CCDC171: variants seen among roughly 807,000 people sequenced by gnomAD.
CCDC171 encodes the protein coiled-coil domain containing 171.
Under a neutral mutation model 168.2 loss-of-function variants are expected in CCDC171, and 177 were observed. The observed-to-expected ratio is 1.05, with a 90% CI of 0.93 to 1.19. The LOEUF (loss-of-function observed/expected upper bound fraction) is 1.19, where lower values mean the gene tolerates loss of function less well. Ranked by LOEUF, CCDC171 falls within the 50% of genes most tolerant of loss-of-function variation. The pLI, the probability that CCDC171 is intolerant of heterozygous loss-of-function variation, is 0.00. For missense variants in CCDC171, 1,991 were observed against 1,539.0 expected (o/e 1.29, Z -4.91); for synonymous variants, 687 against 540.8 (o/e 1.27, Z -3.75).
rs141959306 is a variant in CCDC171, at chr9:16,052,001, G to A, written n.90-8645G>A. 2.6e-3 allele frequency among the ~76,000 whole-genome samples: 398 copies of A among 152,256 alleles called. 2 individuals are homozygous for A. Among genetic ancestry groups the A allele is most frequent in the South Asian group, 4.6e-3 (22 of 4,820 alleles). On this transcript the variant is annotated intron_variant and non_coding_transcript_variant, in intron 1 of 1. Coordinates refer to the CCDC171 transcript ENST00000478913. ...GATCTCGTGAGACTTGTTCACTATCGTGAGAACAGCAGGAGAAAAACCTGC... is the reference window on the plus strand; with the variant it reads ...GATCTCGTGAGACTTGTTCACTATCATGAGAACAGCAGGAGAAAAACCTGC...
intron 23 of CCDC171, among the ~76,000 whole-genome samples, chr9:15,869,586 C>T (rs1293752815): frequency 6.6e-6 from 1 of 150,756 alleles, no homozygotes; most frequent in African/African-American, 2.4e-5. Context: ...TGGCTAGTTC[C>T]CTTCTCTTTG....
At chr9:15,955,016 G>A (rs547779066) in intron 25 of CCDC171, among the ~76,000 whole-genome samples, 2 of 151,980 alleles carry the variant, frequency 1.3e-5, no homozygotes, top group African/African-American at 2.4e-5. Context: ...TTTTTTTGCT[G>A]TTGTTGAAAA....
intron 7 of CCDC171, among the ~76,000 whole-genome samples, chr9:15,639,102 C>T (rs936905624): frequency 1.3e-5 from 2 of 152,024 alleles, no homozygotes; most frequent in African/African-American, 4.8e-5. Context: ...TAAATGCGTA[C>T]TATCTTCAAC....
downstream of CCDC171, among the ~76,000 whole-genome samples, chr9:15,977,235 T>C (rs1831650140): frequency 6.6e-6 from 1 of 152,202 alleles, no homozygotes; most frequent in Admixed American, 6.5e-5. Flanking sequence ...AACCTCCCCC[T>C]GCATAATCTT....
At chr9:15,738,496 A>G (rs930346771) in intron 16 of CCDC171, among the ~76,000 whole-genome samples, 7 of 152,198 alleles carry the variant, frequency 4.6e-5, no homozygotes, top group Non-Finnish European at 1.0e-4. Flanking sequence ...ATTTTTCGAA[A>G]TTAAACACAC....
chr9:15,786,787 C>A (rs146122048), intron 21 of CCDC171, among the ~76,000 whole-genome samples: 284 of 152,260 alleles, frequency 1.9e-3, no homozygotes, highest in African/African-American at 5.3e-3. Context: ...CCTAACTGAT[C>A]AATCAACCTT....
At position 15,863,859 on chromosome 9, in the gene CCDC171, C is replaced by G. The variant is rs117732765; in HGVS notation, c.3469-10673C>G. Reference sequence around the variant, plus strand: ...ATCTGACAACTCTGGAAATAAGATTCTCCCCATCTCCAGGGTTGTTGCTGC... The same window carrying G: ...ATCTGACAACTCTGGAAATAAGATTGTCCCCATCTCCAGGGTTGTTGCTGC... On this transcript the variant is annotated intron_variant, in intron 23 of 25. Transcript: ENST00000380701. 3.0e-3 allele frequency among the ~76,000 whole-genome samples: 451 copies of G among 149,502 alleles called. 3 individuals are homozygous for G. The highest frequency in any genetic ancestry group is 4.8e-3 in the Non-Finnish European group (326 of 67,252).
intron 21 of CCDC171, among the ~76,000 whole-genome samples, chr9:15,791,246 A>G (rs1252350037): frequency 2.6e-5 from 4 of 152,048 alleles, no homozygotes; most frequent in South Asian, 2.1e-4. Flanking sequence ...ATGTTCTTCC[A>G]TTTGTTTGTG....
intron 18 of CCDC171, among the ~76,000 whole-genome samples, chr9:15,746,319 G>T (rs1191654526): frequency 6.6e-6 from 1 of 152,128 alleles, no homozygotes; most frequent in Non-Finnish European, 1.5e-5. Context: ...GATAATTTGG[G>T]ATTTAATTCT....
At chr9:15,654,990 C>G (rs1225682197) in intron 7 of CCDC171, among the ~76,000 whole-genome samples, 1 of 152,098 alleles carries the variant, frequency 6.6e-6, no homozygotes, top group Non-Finnish European at 1.5e-5. Flanking sequence ...AATGAGAACA[C>G]ATGGACACAG....
At chr9:15,657,848 A>G (rs998919409) in intron 8 of CCDC171, among the ~76,000 whole-genome samples, 3 of 152,146 alleles carry the variant, frequency 2.0e-5, no homozygotes, top group Non-Finnish European at 4.4e-5. Context: ...CCTTTTTGCT[A>G]TGCTTTAGAG....
In CCDC171 at chr9:15,898,743, A is replaced by T. The variant is rs77315273; in HGVS notation, c.3601-21527A>T. Among the ~76,000 whole-genome samples the T allele has an allele frequency of 4.5e-3, 688 of 152,322 alleles. 3 individuals carry two copies. The highest frequency in any genetic ancestry group is 0.016 in the African/African-American group (662 of 41,570). On this transcript the variant is annotated intron_variant, in intron 24 of 25. Transcript: ENST00000380701. ...TAGATTCACAGAAAAGTACAAAAAT[A>T]GCACAGGGAGGTCCCTGTGTACGCT...
At chr9:15,640,875 A>T (rs1481718871) in intron 7 of CCDC171, among the ~76,000 whole-genome samples, 2 of 152,086 alleles carry the variant, frequency 1.3e-5, no homozygotes, top group African/African-American at 2.4e-5. Context: ...ATCCTTTGAG[A>T]CCTTCTGTTT....
At chr9:16,052,332 C>T (rs2133072787) in intron 1 of CCDC171, among the ~76,000 whole-genome samples, 1 of 152,304 alleles carries the variant, frequency 6.6e-6, no homozygotes, top group East Asian at 1.9e-4. Flanking sequence ...TGGCCTCACG[C>T]AGTCTGGCCT....
At chr9:15,940,928 T>C (rs1172436111) in intron 25 of CCDC171, among the ~76,000 whole-genome samples, 2 of 151,962 alleles carry the variant, frequency 1.3e-5, no homozygotes, top group Admixed American at 1.3e-4. Context: ...TATATGATCT[T>C]GGGTGATTAA....
chr9:15,948,316 T>G (rs898730161), intron 25 of CCDC171, among the ~76,000 whole-genome samples: 1 of 144,800 alleles, frequency 6.9e-6, no homozygotes, highest in Non-Finnish European at 1.5e-5. Context: ...AGCAGCATGA[T>G]TTATAGTCCT....
At chr9:15,899,211 G>T (rs962768027) in intron 24 of CCDC171, among the ~76,000 whole-genome samples, 3 of 151,914 alleles carry the variant, frequency 2.0e-5, no homozygotes, top group East Asian at 1.9e-4. Context: ...TGGTATGGAT[G>T]TATCACAGTT....
chr9:15,610,862 TC>T (rs943319143), intron 6 of CCDC171, among the ~76,000 whole-genome samples: 1 of 152,052 alleles, frequency 6.6e-6, no homozygotes, highest in Non-Finnish European at 1.5e-5. Context: ...CCCGGCCTGG[TC>T]TTTATTTTCT....
At chr9:15,943,278 A>G (rs1030917890) in intron 25 of CCDC171, among the ~76,000 whole-genome samples, 7 of 152,002 alleles carry the variant, frequency 4.6e-5, no homozygotes, top group Admixed American at 2.6e-4. Flanking sequence ...GGAAATGTCA[A>G]AAGACTTTTT....
Sources: allele counts gnomAD v4.1 joint callset (sites outside exome capture counted in the v4.1 genomes callset), GRCh38; gene constraint gnomAD v4.1.1; transcripts MANE v1.5; gene names NCBI Gene and HGNC (gene_info 2026-07-23, HGNC 2026-07-21).